The following OR1J2 variants were observed in gnomAD, a reference collection of about 807,000 sequenced individuals.
The protein encoded by OR1J2 is olfactory receptor family 1 subfamily J member 2.
For missense variants in OR1J2, 304 were observed against 246.1 expected, an observed-to-expected ratio of 1.24 and a Z score of -1.57; for synonymous variants, 142 against 99.7, an observed-to-expected ratio of 1.42 and a Z score of -2.52.
chr9:122,553,645 C>T, the OR1J2 span: 6 of 1,614,058 alleles, frequency 3.7e-6, no homozygotes, highest in Non-Finnish European at 4.2e-6. Context: ...CAGCTCTGTG[C>T]ACTAATGCTG....
At chr9:122,525,580 G>A in the OR1J2 span, among the ~76,000 whole-genome samples, 1 of 152,140 alleles carries the variant, frequency 6.6e-6, no homozygotes, top group East Asian at 1.9e-4. Flanking sequence ...TTTAGATGTG[G>A]ACGCAAACCT....
chr9:122,494,346 T>G, the OR1J2 span, among the ~76,000 whole-genome samples: 1 of 152,214 alleles, frequency 6.6e-6, no homozygotes, highest in East Asian at 1.9e-4. Context: ...GTAATTGTTT[T>G]ATAAACTTGG....
At chr9:122,563,039 A>G in the OR1J2 span, among the ~76,000 whole-genome samples, 1 of 152,118 alleles carries the variant, frequency 6.6e-6, no homozygotes, top group Non-Finnish European at 1.5e-5. Flanking sequence ...TATAACCAGT[A>G]GTGGGACTAC....
the OR1J2 span, among the ~76,000 whole-genome samples, chr9:122,521,479 CAA>C: frequency 1.3e-5 from 2 of 152,200 alleles, no homozygotes; most frequent in Admixed American, 1.3e-4. Context: ...GATATTGACT[CAA>C]AGAGTGATCC....
At chr9:122,490,702 A>G in the OR1J2 span, among the ~76,000 whole-genome samples, 1 of 152,196 alleles carries the variant, frequency 6.6e-6, no homozygotes, top group African/African-American at 2.4e-5. Flanking sequence ...TAGAGTGGCT[A>G]AAATGTACAC....
chr9:122,561,120 G>A, the OR1J2 span, among the ~76,000 whole-genome samples: 46,789 of 151,962 alleles, frequency 0.31, 8,069 homozygotes, highest in East Asian at 0.81. Context: ...GATCGATTTA[G>A]CTATTGATAC....
upstream of OR1J2, among the ~76,000 whole-genome samples, chr9:122,506,110 C>G (rs1051754432): frequency 2.0e-5 from 3 of 152,156 alleles, no homozygotes; most frequent in African/African-American, 7.2e-5. Flanking sequence ...TACCTAAATT[C>G]TCAGAGCCCA....
At chr9:122,570,829 A>G in the OR1J2 span, among the ~76,000 whole-genome samples, 6 of 152,204 alleles carry the variant, frequency 3.9e-5, no homozygotes, top group African/African-American at 1.2e-4. Context: ...ACAAATATTT[A>G]TTGAAAATGT....
chr9:122,571,626 G>A, the OR1J2 span, among the ~76,000 whole-genome samples: 1 of 150,936 alleles, frequency 6.6e-6, no homozygotes, highest in Non-Finnish European at 1.5e-5. Flanking sequence ...TGAGGCAGAA[G>A]AATCGCTTGA....
chr9:122,457,200 A>C, the OR1J2 span, among the ~76,000 whole-genome samples: 1 of 152,028 alleles, frequency 6.6e-6, no homozygotes, highest in African/African-American at 2.4e-5. Flanking sequence ...AGGGAATAAC[A>C]CACACTGGGG....
At chr9:122,453,462 G>C in the OR1J2 span, among the ~76,000 whole-genome samples, 1 of 152,118 alleles carries the variant, frequency 6.6e-6, no homozygotes, top group South Asian at 2.1e-4. Context: ...GACCAATGCT[G>C]GGTCTGTGAT....
the OR1J2 span, among the ~76,000 whole-genome samples, chr9:122,533,272 G>A: frequency 6.6e-6 from 1 of 152,166 alleles, no homozygotes; most frequent in Non-Finnish European, 1.5e-5. Flanking sequence ...TTTTAGGACA[G>A]GTAAAATGGG....
At chr9:122,543,688 A>C in the OR1J2 span, among the ~76,000 whole-genome samples, 1 of 152,236 alleles carries the variant, frequency 6.6e-6, no homozygotes, top group Non-Finnish European at 1.5e-5. Context: ...GGGAGAGGCC[A>C]TGGGAAAGTA....
the OR1J2 span, chr9:122,477,036 A>G: frequency 6.2e-7 from 1 of 1,613,904 alleles, no homozygotes; most frequent in East Asian, 2.2e-5. Context: ...GGGCTCCCTT[A>G]ATGTCTTTAT....
the OR1J2 span, among the ~76,000 whole-genome samples, chr9:122,517,022 G>A: frequency 6.6e-6 from 1 of 152,100 alleles, no homozygotes; most frequent in African/African-American, 2.4e-5. Context: ...ATATAAATTG[G>A]TTCAGATTGT....
chr9:122,518,481 A>G, the OR1J2 span, among the ~76,000 whole-genome samples: 3 of 152,068 alleles, frequency 2.0e-5, no homozygotes, highest in African/African-American at 7.2e-5. Flanking sequence ...TGCCAGAGAC[A>G]CTCTTGTGTT....
At chr9:122,477,696 A>G in the OR1J2 span, 2 of 1,614,220 alleles carry the variant, frequency 1.2e-6, no homozygotes, top group Non-Finnish European at 8.5e-7. Flanking sequence ...TCTTAGGGAC[A>G]GTGACAGATG....
chr9:122,471,576 C>G, the OR1J2 span, among the ~76,000 whole-genome samples: 2 of 152,152 alleles, frequency 1.3e-5, no homozygotes, highest in Non-Finnish European at 2.9e-5. Flanking sequence ...TAAAGAATGA[C>G]CCTTATGCGT....
the OR1J2 span, among the ~76,000 whole-genome samples, chr9:122,565,698 G>A: frequency 1.3e-5 from 2 of 152,228 alleles, no homozygotes; most frequent in Non-Finnish European, 2.9e-5. Flanking sequence ...CTGACAGGTA[G>A]TTTTTAACTT....
Sources: allele counts gnomAD v4.1 joint callset (sites outside exome capture counted in the v4.1 genomes callset), GRCh38; gene constraint gnomAD v4.1.1; transcripts MANE v1.5; gene names NCBI Gene and HGNC (gene_info 2026-07-23, HGNC 2026-07-21).